Variants in SMAD4 observed in about 807,000 individuals in gnomAD.
SMAD4 encodes the protein MAD homolog 4.
SMAD4 carries 7 observed loss-of-function variants against 63.2 expected under a neutral mutation model. The ratio of observed to expected loss-of-function variants is 0.11; its 90% CI spans 0.06 to 0.21. SMAD4 has a LOEUF of 0.21. SMAD4 is among the 10% of genes least tolerant of loss of function. SMAD4 has a pLI of 1.00. For missense variants in SMAD4, 312 were observed against 693.8 expected (o/e 0.45, Z 6.18); for synonymous variants, 215 against 235.4 (o/e 0.91, Z 0.79).
intron 1 of SMAD4, among the ~76,000 whole-genome samples, chr18:51,042,490 G>T (rs1332807934): frequency 6.6e-6 from 1 of 151,912 alleles, no homozygotes; most frequent in Non-Finnish European, 1.5e-5. Context: ...TCCCACCTCA[G>T]CCTTCTGAGT....
intron 3 of SMAD4, 97 bp from the exon 4 acceptor site, chr18:51,049,198 A>G (rs1909634145): frequency 2.1e-6 from 2 of 942,886 alleles, no homozygotes; most frequent in African/African-American, 3.2e-5. Context: ...GAACTTTTGT[A>G]ATCTTTGGTT....
intron 8 of SMAD4, among the ~76,000 whole-genome samples, chr18:51,063,123 A>AT (rs1383632798): frequency 1.3e-5 from 2 of 152,032 alleles, no homozygotes; most frequent in African/African-American, 4.8e-5. Context: ...AAGTGCTGGG[A>AT]TTACAGGCGT....
In SMAD4 at chr18:51,079,601, CT is replaced by C. The variant is rs1455038503; in HGVS notation, c.*1140del. Reference sequence around the variant, plus strand: ...TTGTATCTTGGGGCAAGACTGCAAACTTTTTTATATCTTTTGGTTATTCTAA... The same window carrying C: ...TTGTATCTTGGGGCAAGACTGCAAACTTTTTATATCTTTTGGTTATTCTAA... On this transcript the variant is annotated 3_prime_UTR_variant, in exon 12 of 12. Coordinates refer to ENST00000342988, the MANE Select transcript of SMAD4 (RefSeq NM_005359.6). 3.0e-5 allele frequency: 7 copies of C among 233,148 alleles called. No homozygotes were observed. Among genetic ancestry groups the C allele is most frequent in the Non-Finnish European group, 5.1e-5 (6 of 117,888 alleles). 14.4% of individuals were successfully genotyped at this position (233,148 alleles called of 1,614,324 possible).
intron 8 of SMAD4, among the ~76,000 whole-genome samples, chr18:51,062,491 A>G (rs1910039412): frequency 6.6e-6 from 1 of 151,440 alleles, no homozygotes; most frequent in South Asian, 2.1e-4. Flanking sequence ...TCTTTTATTT[A>G]TTTTTTAAAT....
intron 3 of SMAD4, among the ~76,000 whole-genome samples, 158 bp downstream of exon 3, chr18:51,049,018 A>G (rs1435327708): frequency 6.6e-6 from 1 of 152,218 alleles, no homozygotes; most frequent in Non-Finnish European, 1.5e-5. Context: ...TTAAATTTGA[A>G]TTTAGGAACA....
intron 1 of SMAD4, among the ~76,000 whole-genome samples, chr18:51,041,251 T>C (rs975084486): frequency 2.6e-5 from 4 of 152,240 alleles, no homozygotes; most frequent in Non-Finnish European, 5.9e-5. Flanking sequence ...AAAGCTCTTA[T>C]CCGTCTCTGC....
At chr18:51,031,373 G>A (rs1163565531) in intron 1 of SMAD4, among the ~76,000 whole-genome samples, 2 of 152,184 alleles carry the variant, frequency 1.3e-5, no homozygotes, top group Admixed American at 6.5e-5. Flanking sequence ...AGGTTTATTT[G>A]CTGGTGCAGA....
chr18:51,071,468 T>A (rs980526425), intron 10 of SMAD4, among the ~76,000 whole-genome samples: 2 of 152,228 alleles, frequency 1.3e-5, no homozygotes, highest in African/African-American at 4.8e-5. Context: ...AAATCTGATG[T>A]AATGAAATGA....
At chr18:51,060,092 A>G (rs756129453) in intron 8 of SMAD4, among the ~76,000 whole-genome samples, 176 bp downstream of exon 8, 1 of 152,222 alleles carries the variant, frequency 6.6e-6, no homozygotes, top group African/African-American at 2.4e-5. Flanking sequence ...TAGACTGTCT[A>G]TATTTTATTC....
At position 51,082,897 on chromosome 18, in the gene SMAD4, A is replaced by G. The variant is rs1910642825; in HGVS notation, c.*4430A>G. ...AAACCAGATAACCAAACTTACTAGA[A>G]CGTTCTTTAAAACACAAGTACAAAC... On this transcript the variant is annotated 3_prime_UTR_variant, in exon 12 of 12. Transcript: ENST00000342988. 1 of 226,350 alleles carries G rather than the reference A, an allele frequency of 4.4e-6. No individual in the cohort carries two copies. The highest frequency in any genetic ancestry group is 5.7e-5 in the Admixed American group (1 of 17,550). The allele number at this position is 226,350 out of a possible 1,614,324, so 14.0% of individuals were successfully genotyped here.
chr18:51,033,469 C>T (rs952421130), intron 1 of SMAD4, among the ~76,000 whole-genome samples: 15 of 152,170 alleles, frequency 9.9e-5, no homozygotes, highest in Non-Finnish European at 1.5e-5. Flanking sequence ...GGATTACAGG[C>T]GTGAGCCACT....
chr18:51,044,788 C>T (rs1215521731), intron 1 of SMAD4, among the ~76,000 whole-genome samples: 1 of 152,152 alleles, frequency 6.6e-6, no homozygotes, highest in Non-Finnish European at 1.5e-5. Flanking sequence ...CTTCTGTATA[C>T]CCTCCTTTTA....
intron 4 of SMAD4, chr18:51,053,603 G>A (rs555496963): frequency 1.3e-5 from 2 of 152,208 alleles, no homozygotes; most frequent in African/African-American, 4.8e-5. Context: ...TTCTTAAGAG[G>A]TTTTTAAGAG....
At chr18:51,042,586 G>C (rs776607756) in intron 1 of SMAD4, among the ~76,000 whole-genome samples, 2 of 16,820 alleles carry the variant, frequency 1.2e-4, no homozygotes, top group African/African-American at 5.4e-4. Flanking sequence ...TTGCCAGGCT[G>C]GTCCTGGCAA....
chr18:51,058,417 C>A lies in SMAD4; in HGVS notation c.865C>A (p.Gln289Lys), dbSNP rs1909903439. The A allele has an allele frequency of 6.2e-7, 1 of 1,613,866 alleles. No individual in the cohort carries two copies. The highest frequency in any genetic ancestry group is 8.5e-7 in the Non-Finnish European group (1 of 1,179,962). The change falls in exon 7 of 12, where the codon CAG becomes AAG. Residue 289 changes from glutamine to lysine, a missense_variant. Around this residue, in one of 4 missense-constraint regions of SMAD4, gnomAD observed 169 missense variants for 211.0 expected, o/e 0.80. Transcript: ENST00000342988. Reference protein sequence around the residue: ...NLPHHQNGHLQHHPPMPPHPG... With the variant: ...NLPHHQNGHLKHHPPMPPHPG... ...GCCTCACCACCAAAACGGCCATCTTCAGCACCACCCGCCTATGCCGCCCCA... is the reference window on the plus strand; with the variant it reads ...GCCTCACCACCAAAACGGCCATCTTAAGCACCACCCGCCTATGCCGCCCCA...
At chr18:51,031,438 T>A (rs968468920) in intron 1 of SMAD4, among the ~76,000 whole-genome samples, 2 of 152,338 alleles carry the variant, frequency 1.3e-5, no homozygotes, top group Non-Finnish European at 2.9e-5. Flanking sequence ...AAAACCTAAG[T>A]ACGTTTGTTT....
chr18:51,048,213 G>A (rs2144404038), intron 2 of SMAD4, among the ~76,000 whole-genome samples: 1 of 152,270 alleles, frequency 6.6e-6, no homozygotes, highest in African/African-American at 2.4e-5. Flanking sequence ...CTGGAGTGCA[G>A]TGGTGCAAAA....
At chr18:51,062,732 C>CAAGT (rs1327316207) in intron 8 of SMAD4, among the ~76,000 whole-genome samples, 2 of 151,586 alleles carry the variant, frequency 1.3e-5, no homozygotes, top group African/African-American at 2.4e-5. Flanking sequence ...CTCTTGGCCT[C>CAAGT]AAGTGATCTC....
At chr18:51,062,119 A>G (rs188127064) in intron 8 of SMAD4, among the ~76,000 whole-genome samples, 1 of 152,286 alleles carries the variant, frequency 6.6e-6, no homozygotes, top group Non-Finnish European at 1.5e-5. Flanking sequence ...GGAAAAGGTG[A>G]TATTAGTGGG....
Sources: allele counts gnomAD v4.1 joint callset (sites outside exome capture counted in the v4.1 genomes callset), GRCh38; gene constraint gnomAD v4.1.1; regional missense constraint gnomAD v4.1.1; transcripts MANE v1.5; gene names NCBI Gene and HGNC (gene_info 2026-07-23, HGNC 2026-07-21).